The following RSPO3 variants were observed in gnomAD, a reference collection of about 807,000 sequenced individuals.
The protein encoded by RSPO3 is R-spondin-3.
A neutral mutation model predicts 36.5 loss-of-function variants in RSPO3; 17 were observed. The observed-to-expected ratio is 0.47, with a 90% CI of 0.32 to 0.70. RSPO3 has a LOEUF of 0.70. Among genes scored for constraint, RSPO3 ranks in the 30% least tolerant of loss-of-function variants. The probability of loss-of-function intolerance (pLI) is 0.04; values close to 1 mark genes in which losing one functional copy is unlikely to be tolerated. For synonymous variants in RSPO3, 108 were observed against 107.0 expected (o/e 1.01, Z -0.06); for missense variants, 294 against 322.5 (o/e 0.91, Z 0.68).
intron 1 of RSPO3, among the ~76,000 whole-genome samples, chr6:127,132,173 T>A (rs1582786766): frequency 6.6e-6 from 1 of 152,060 alleles, no homozygotes; most frequent in East Asian, 1.9e-4. Context: ...TGACAAACTG[T>A]TCTGGTGTAA....
At position 127,119,093 on chromosome 6, in the gene RSPO3, G is replaced by C; in HGVS notation, c.-100G>C. 1 of 912,526 alleles carries C rather than the reference G, an allele frequency of 1.1e-6. No individual in the cohort carries two copies. Among genetic ancestry groups the C allele is most frequent in the South Asian group, 1.7e-5 (1 of 59,454 alleles). 56.5% of individuals were successfully genotyped at this position (912,526 alleles called of 1,614,324 possible). ...GGAGAAGTCCCGCTGCTCGGGCACT[G>C]TCTATATACGCCTAACACCTACATA... is the stretch of plus-strand genomic sequence containing the variant. On this transcript the variant is annotated 5_prime_UTR_variant, in exon 1 of 5. Transcript: ENST00000356698.
At chr6:127,174,853 G>A (rs1275528004) in intron 4 of RSPO3, among the ~76,000 whole-genome samples, 1 of 151,632 alleles carries the variant, frequency 6.6e-6, no homozygotes, top group Non-Finnish European at 1.5e-5. Flanking sequence ...GTTTTCTTAG[G>A]GCAGTTCAAA....
At chr6:127,142,331 C>A (rs759410480) in intron 1 of RSPO3, among the ~76,000 whole-genome samples, 5 of 152,138 alleles carry the variant, frequency 3.3e-5, no homozygotes, top group Non-Finnish European at 7.4e-5. Context: ...GAAACACTGA[C>A]TCTGAATATT....
intron 4 of RSPO3, among the ~76,000 whole-genome samples, chr6:127,179,715 G>A (rs1290707606): frequency 1.3e-5 from 2 of 151,798 alleles, no homozygotes; most frequent in East Asian, 3.9e-4. Flanking sequence ...TAAAATCAAG[G>A]CATCAGTAAG....
chr6:127,188,145 C>T (rs190576851), intron 4 of RSPO3, among the ~76,000 whole-genome samples: 98 of 152,220 alleles, frequency 6.4e-4, no homozygotes, highest in Admixed American at 9.8e-4. Flanking sequence ...GTTATGGAAA[C>T]CTCTGTCACG....
intron 1 of RSPO3, among the ~76,000 whole-genome samples, chr6:127,131,699 A>G (rs1457939510): frequency 6.6e-6 from 1 of 152,098 alleles, no homozygotes; most frequent in Non-Finnish European, 1.5e-5. Flanking sequence ...ACAGTGCTGC[A>G]TTTATCTTGG....
At chr6:127,158,952 G>C (rs1254927747) in intron 4 of RSPO3, among the ~76,000 whole-genome samples, 1 of 152,050 alleles carries the variant, frequency 6.6e-6, no homozygotes, top group Non-Finnish European at 1.5e-5. Flanking sequence ...GATTTTAAGA[G>C]ATTATACAGA....
At chr6:127,150,147 T>A (rs1190400497) in intron 2 of RSPO3, among the ~76,000 whole-genome samples, 1 of 147,100 alleles carries the variant, frequency 6.8e-6, no homozygotes, top group Non-Finnish European at 1.5e-5. Context: ...AGATACTTCA[T>A]CTTATAAATA....
intron 4 of RSPO3, among the ~76,000 whole-genome samples, chr6:127,190,904 A>G (rs527658591): frequency 2.4e-4 from 36 of 152,320 alleles, no homozygotes; most frequent in African/African-American, 8.4e-4. Context: ...TACAGTTGTG[A>G]TTCTAGGGAA....
rs1775234221 is a variant in RSPO3, at chr6:127,183,709, GCTTACTAATATACCAGGAATATCGGC to G, written c.635-12108_635-12083del. ...CAGCCTTTAGAGCAATAGTAGCAGT[GCTTACTAATATACCAGGAATATCGGC>G]CTTACATGTCTCCCCTTGTGCACAA... On this transcript the variant is annotated intron_variant, in intron 4 of 4. Transcript: ENST00000356698. 4.6e-5 allele frequency among the ~76,000 whole-genome samples: 7 copies of G among 152,116 alleles called. No individual in the cohort carries two copies. The South Asian group carries it at 1.5e-3, about 32-fold the overall frequency.
rs760662262 is a variant in RSPO3 at position 127,148,727 on chromosome 6, C to G, written c.177C>G (p.Pro59=). 35 of 1,613,120 alleles carry G rather than the reference C, an allele frequency of 2.2e-5. No homozygotes were observed. In the Admixed American group the frequency reaches 5.8e-4, roughly 27 times the overall value. ...ACAATGGATGTTTGTCATGTAAGCC[C>G]AGACTATTTTTTGCTCTGGAAAGAA... ...SDYNGCLSCK[P]RLFFALERIG... is the part of the protein sequence containing the mutation. The change falls in exon 2 of 5, where the codon CCC becomes CCG. Residue 59 remains proline (P), a synonymous_variant. Coordinates refer to ENST00000356698, the MANE Select transcript of RSPO3 (RefSeq NM_032784.5).
intron 4 of RSPO3, among the ~76,000 whole-genome samples, chr6:127,184,077 C>A (rs1441478716): frequency 6.6e-6 from 1 of 151,880 alleles, no homozygotes; most frequent in Non-Finnish European, 1.5e-5. Context: ...GGTAACCACC[C>A]CTGGAATTCA....
intron 1 of RSPO3, among the ~76,000 whole-genome samples, chr6:127,137,293 A>C (rs941332864): frequency 6.6e-6 from 1 of 152,126 alleles, no homozygotes; most frequent in Non-Finnish European, 1.5e-5. Context: ...TGGGAGGCTG[A>C]GGCAGGCGAA....
At chr6:127,131,760 C>T (rs529129599) in intron 1 of RSPO3, among the ~76,000 whole-genome samples, 5 of 152,112 alleles carry the variant, frequency 3.3e-5, no homozygotes, top group Admixed American at 1.3e-4. Flanking sequence ...TACTTAGCAA[C>T]TCATGGAGGA....
intron 1 of RSPO3, among the ~76,000 whole-genome samples, chr6:127,143,071 A>C (rs952975044): frequency 6.6e-6 from 1 of 151,722 alleles, no homozygotes; most frequent in Non-Finnish European, 1.5e-5. Flanking sequence ...TGCTGGGATT[A>C]CAGTTGTGAG....
intron 4 of RSPO3, among the ~76,000 whole-genome samples, chr6:127,160,267 T>G (rs966202598): frequency 1.3e-5 from 2 of 152,202 alleles, no homozygotes; most frequent in African/African-American, 4.8e-5. Context: ...GTTTACAATT[T>G]GTATATACTA....
At chr6:127,166,296 T>G (rs539205857) in intron 4 of RSPO3, among the ~76,000 whole-genome samples, 63 of 151,976 alleles carry the variant, frequency 4.1e-4, no homozygotes, top group Non-Finnish European at 4.6e-4. Flanking sequence ...TATTGATGGA[T>G]TGTAAAATTG....
intron 1 of RSPO3, among the ~76,000 whole-genome samples, chr6:127,131,403 G>A (rs1469706758): frequency 3.3e-5 from 5 of 152,034 alleles, no homozygotes; most frequent in Non-Finnish European, 7.4e-5. Flanking sequence ...TGTGCTCTAA[G>A]GAGAGCCTAC....
intron 4 of RSPO3, among the ~76,000 whole-genome samples, chr6:127,175,839 G>A (rs1030518639): frequency 4.0e-5 from 6 of 151,580 alleles, no homozygotes; most frequent in Non-Finnish European, 5.9e-5. Context: ...TTTAAGACTC[G>A]TTCACCAAAT....
Sources: gnomAD v4.1 joint callset for allele counts (sites outside exome capture counted in the v4.1 genomes callset) on GRCh38, gnomAD v4.1.1 for gene constraint, MANE v1.5 for transcripts, NCBI Gene and HGNC (gene_info 2026-07-23, HGNC 2026-07-21) for gene names.